Variants in CALN1 observed in about 807,000 individuals in gnomAD.
CALN1 encodes calcium-binding protein 8.
In CALN1, 17 loss-of-function variants were observed where a neutral mutation model predicts 30.6. The observed-to-expected ratio is 0.56, with a 90% CI of 0.38 to 0.83. The LOEUF is 0.83. Among genes scored for constraint, CALN1 ranks in the 40% least tolerant of loss-of-function variants. The probability of loss-of-function intolerance (pLI) is 0.00; values close to 1 mark genes in which losing one functional copy is unlikely to be tolerated. For synonymous variants in CALN1, 156 were observed against 131.4 expected (o/e 1.19, Z -1.28); for missense variants, 291 against 354.9 (o/e 0.82, Z 1.45).
At chr7:72,218,601 G>A (rs1288598160) in intron 3 of CALN1, among the ~76,000 whole-genome samples, 1 of 152,128 alleles carries the variant, frequency 6.6e-6, no homozygotes, top group South Asian at 2.1e-4. Context: ...TGTAGAGGAC[G>A]CCATGCTTGA....
At chr7:72,248,842 A>G (rs981207458) in intron 3 of CALN1, among the ~76,000 whole-genome samples, 1 of 152,156 alleles carries the variant, frequency 6.6e-6, no homozygotes, top group African/African-American at 2.4e-5. Flanking sequence ...CAAAAATATA[A>G]TCTCAATCCC....
intron 3 of CALN1, among the ~76,000 whole-genome samples, chr7:72,238,367 A>G (rs1056959286): frequency 6.6e-6 from 1 of 152,220 alleles, no homozygotes; most frequent in Non-Finnish European, 1.5e-5. Context: ...AATTCATGGT[A>G]TAATGAATTT....
intron 5 of CALN1, among the ~76,000 whole-genome samples, chr7:71,979,280 T>C (rs1015740055): frequency 1.3e-5 from 2 of 152,196 alleles, no homozygotes; most frequent in Non-Finnish European, 2.9e-5. Context: ...TGCACTTTAC[T>C]TCTATTATTA....
intron 5 of CALN1, among the ~76,000 whole-genome samples, chr7:71,969,254 C>T (rs1797675831): frequency 6.6e-6 from 1 of 151,798 alleles, no homozygotes; most frequent in South Asian, 2.1e-4. Context: ...TTAGTGTTAC[C>T]CTTTGCCCAG....
chr7:72,302,893 C>CAAAAAAAAAAAA (rs71069055), intron 2 of CALN1, among the ~76,000 whole-genome samples: 6 of 48,750 alleles, frequency 1.2e-4, no homozygotes, highest in Admixed American at 3.6e-4. Context: ...GTGAGGGTCT[C>CAAAAAAAAAAAA]AAAAAAAAAA....
chr7:72,020,027 AT>A (rs749340268), intron 5 of CALN1, among the ~76,000 whole-genome samples: 81 of 152,242 alleles, frequency 5.3e-4, no homozygotes, highest in Non-Finnish European at 1.0e-3. Context: ...CTGCCTGGAT[AT>A]CTGGAGGTGA....
At chr7:72,459,247 T>C in the CALN1 span, among the ~76,000 whole-genome samples, 8 of 152,158 alleles carry the variant, frequency 5.3e-5, no homozygotes, top group Admixed American at 6.6e-5. Context: ...AGCTCCCTGA[T>C]GTAAAATGCG....
At chr7:72,381,435 C>T (rs944969657) in intron 2 of CALN1, among the ~76,000 whole-genome samples, 5 of 152,074 alleles carry the variant, frequency 3.3e-5, no homozygotes, top group African/African-American at 1.2e-4. Context: ...TGGAACCAAC[C>T]CAAATGCCCA....
intron 4 of CALN1, among the ~76,000 whole-genome samples, chr7:72,060,509 TG>T (rs1028798768): frequency 5.3e-5 from 8 of 152,194 alleles, no homozygotes; most frequent in Non-Finnish European, 1.2e-4. Flanking sequence ...TGGGCTCACC[TG>T]TAAGTTGTTC....
intron 3 of CALN1, among the ~76,000 whole-genome samples, chr7:72,159,910 T>C (rs1787979213): frequency 6.6e-6 from 1 of 152,250 alleles, no homozygotes; most frequent in African/African-American, 2.4e-5. Context: ...CTCTGAAGTC[T>C]GTGACCAGCA....
intron 5 of CALN1, among the ~76,000 whole-genome samples, chr7:71,939,253 A>C (rs1341506311): frequency 6.6e-6 from 1 of 152,014 alleles, no homozygotes; most frequent in Non-Finnish European, 1.5e-5. Context: ...CACAGTCTCA[A>C]TACACTTAAT....
intron 1 of CALN1, among the ~76,000 whole-genome samples, chr7:72,445,141 A>T (rs754748346): frequency 5.3e-5 from 8 of 151,982 alleles, no homozygotes; most frequent in Non-Finnish European, 1.2e-4. Context: ...ACACAAAGGA[A>T]CAGTCTACTT....
At chr7:71,853,861 T>C (rs1790789202) in intron 5 of CALN1, among the ~76,000 whole-genome samples, 1 of 152,084 alleles carries the variant, frequency 6.6e-6, no homozygotes, top group Non-Finnish European at 1.5e-5. Context: ...ATTACAGGAG[T>C]GAGCAACTGC....
At chr7:71,863,977 A>G (rs1436662383) in intron 5 of CALN1, among the ~76,000 whole-genome samples, 1 of 152,170 alleles carries the variant, frequency 6.6e-6, no homozygotes, top group Non-Finnish European at 1.5e-5. Context: ...TTCCACTTCT[A>G]CTAATTACTA....
chr7:72,403,234 G>C lies in CALN1; in HGVS notation c.119+17C>G, dbSNP rs74597340. On this transcript the variant is annotated intron_variant, in intron 2 of 6. Coordinates refer to ENST00000395275, the MANE Select transcript of CALN1 (RefSeq NM_031468.4). ...CCAAACAATCTAGGTCCTTGGGTTTGGGGGAAGAAGACTTGCCAGGTGGGG... is the reference window on the plus strand; with the variant it reads ...CCAAACAATCTAGGTCCTTGGGTTTCGGGGAAGAAGACTTGCCAGGTGGGG... 1.9e-6 allele frequency: 3 copies of C among 1,541,478 alleles called. No individual in the cohort carries two copies. Among genetic ancestry groups the C allele is most frequent in the Non-Finnish European group, 2.6e-6 (3 of 1,142,482 alleles).
At chr7:72,424,757 C>T (rs1778990912) in intron 1 of CALN1, among the ~76,000 whole-genome samples, 2 of 152,112 alleles carry the variant, frequency 1.3e-5, no homozygotes, top group South Asian at 2.1e-4. Context: ...CCACCACTCC[C>T]ATATAATTTT....
At chr7:72,503,193 G>A in the CALN1 span, among the ~76,000 whole-genome samples, 2 of 152,114 alleles carry the variant, frequency 1.3e-5, no homozygotes, top group African/African-American at 4.8e-5. Flanking sequence ...CTGGCTATGA[G>A]TTGTTCTGCG....
At chr7:72,326,145 C>G (rs919256709) in intron 2 of CALN1, among the ~76,000 whole-genome samples, 1 of 152,302 alleles carries the variant, frequency 6.6e-6, no homozygotes, top group Non-Finnish European at 1.5e-5. Context: ...TCCCGAGGTC[C>G]GCCTGCCTGG....
the CALN1 span, among the ~76,000 whole-genome samples, chr7:72,458,945 C>CT: frequency 6.8e-6 from 1 of 148,146 alleles, no homozygotes; most frequent in South Asian, 2.1e-4. Context: ...GAGTCTTACT[C>CT]TGTCGCCCAG....
Sources: allele counts gnomAD v4.1 joint callset (sites outside exome capture counted in the v4.1 genomes callset), GRCh38; gene constraint gnomAD v4.1.1; transcripts MANE v1.5; gene names NCBI Gene and HGNC (gene_info 2026-07-23, HGNC 2026-07-21).